NAV2: variants seen among roughly 807,000 people sequenced by gnomAD.
The protein encoded by NAV2 is helicase, APC down-regulated 1.
A neutral mutation model predicts 223.2 loss-of-function variants in NAV2; 54 were observed. That is an observed-to-expected ratio of 0.24 (90% CI 0.19 to 0.30). The LOEUF (loss-of-function observed/expected upper bound fraction) is 0.30. Among genes scored for constraint, NAV2 ranks in the 10% least tolerant of loss-of-function variants. NAV2 has a pLI of 1.00. For missense variants in NAV2, 2,806 were observed against 3,147.5 expected (o/e 0.89, Z 2.60); for synonymous variants, 1,279 against 1,239.3 (o/e 1.03, Z -0.67).
At chr11:19,900,963 C>T (rs2042396578) in intron 6 of NAV2, among the ~76,000 whole-genome samples, 1 of 152,182 alleles carries the variant, frequency 6.6e-6, no homozygotes, top group African/African-American at 2.4e-5. Context: ...CAACAGGCTT[C>T]TATAGCCCTA....
intron 12 of NAV2, among the ~76,000 whole-genome samples, chr11:20,039,987 A>G (rs1472582703): frequency 6.6e-6 from 1 of 152,104 alleles, no homozygotes; most frequent in Non-Finnish European, 1.5e-5. Context: ...TGGGTAAGTT[A>G]CTTTTCCTCT....
intron 10 of NAV2, among the ~76,000 whole-genome samples, chr11:19,960,322 T>A (rs1023503253): frequency 9.2e-5 from 14 of 152,154 alleles, no homozygotes; most frequent in Non-Finnish European, 2.1e-4. Flanking sequence ...GGGGCTGATA[T>A]GTGTGGCATC....
intron 1 of NAV2, among the ~76,000 whole-genome samples, chr11:19,756,731 A>G (rs1054888475): frequency 2.0e-5 from 3 of 152,214 alleles, no homozygotes; most frequent in African/African-American, 7.2e-5. Flanking sequence ...TTAAAGCCTG[A>G]TGCATTAGTC....
chr11:19,462,312 G>A (rs187057049), intron 1 of NAV2, among the ~76,000 whole-genome samples: 121 of 152,230 alleles, frequency 7.9e-4, no homozygotes, highest in Middle Eastern at 3.4e-3. Flanking sequence ...CTTCCAGGAG[G>A]TACAACTACT....
intron 3 of NAV2, among the ~76,000 whole-genome samples, chr11:19,852,815 G>A (rs2061221689): frequency 6.6e-6 from 1 of 152,158 alleles, no homozygotes; most frequent in African/African-American, 2.4e-5. Context: ...TCTCAGATGA[G>A]AAAGCTAAAC....
rs76547013 is a variant in NAV2 at position 20,032,305 on chromosome 11, C to T, written c.2769-3654C>T. ...TCCCCTCTTCTGGGTGGCTCAGTTA[C>T]AAAGGCTTCCTGTCAACTCAGGGTA... On this transcript the variant is annotated intron_variant, in intron 11 of 37. Transcript: ENST00000349880. 7.8e-3 allele frequency among the ~76,000 whole-genome samples: 1,185 copies of T among 152,336 alleles called. 13 individuals are homozygous for T. The highest frequency in any genetic ancestry group is 0.027 in the African/African-American group (1,132 of 41,566).
At chr11:19,864,742 T>C (rs543022325) in intron 3 of NAV2, among the ~76,000 whole-genome samples, 5 of 152,182 alleles carry the variant, frequency 3.3e-5, no homozygotes, top group African/African-American at 4.8e-5. Context: ...AATTGCAGCC[T>C]CTCTCATGGA....
At chr11:19,673,578 A>G (rs2048628139) in intron 1 of NAV2, among the ~76,000 whole-genome samples, 1 of 152,224 alleles carries the variant, frequency 6.6e-6, no homozygotes, top group Non-Finnish European at 1.5e-5. Flanking sequence ...TCTCAAATTG[A>G]GGTGTTAATT....
At chr11:19,385,127 A>AAGATACC (rs1848986091) in intron 1 of NAV2, 1 of 152,226 alleles carries the variant, frequency 6.6e-6, no homozygotes, top group Admixed American at 6.5e-5. Flanking sequence ...AAACCACTGT[A>AAGATACC]AGATACCATT....
chr11:20,063,215 T>C (rs1048751653), intron 20 of NAV2, among the ~76,000 whole-genome samples: 2 of 152,170 alleles, frequency 1.3e-5, no homozygotes, highest in Non-Finnish European at 2.9e-5. Context: ...TCTAAAACAA[T>C]GAATATAGTA....
At chr11:19,485,234 T>C (rs941838952) in intron 1 of NAV2, among the ~76,000 whole-genome samples, 4 of 152,180 alleles carry the variant, frequency 2.6e-5, no homozygotes, top group African/African-American at 9.7e-5. Context: ...TGTCTCCTTA[T>C]TCACAAAGTG....
chr11:20,033,930 G>A (rs991642576), intron 11 of NAV2, among the ~76,000 whole-genome samples: 3 of 152,212 alleles, frequency 2.0e-5, no homozygotes, highest in Non-Finnish European at 2.9e-5. Flanking sequence ...GTGGAAGACT[G>A]AGTGGTAGAA....
intron 11 of NAV2, among the ~76,000 whole-genome samples, chr11:20,012,674 C>CAA (rs869102100): frequency 7.8e-6 from 1 of 128,236 alleles, no homozygotes; most frequent in African/African-American, 3.0e-5. Context: ...GACTCCATCT[C>CAA]AAAAAAAAAA....
chr11:19,964,418 C>A (rs548753278), intron 10 of NAV2, among the ~76,000 whole-genome samples: 7 of 151,886 alleles, frequency 4.6e-5, no homozygotes, highest in African/African-American at 7.3e-5. Context: ...AATATTAACA[C>A]GACTAGCTAC....
chr11:19,479,621 A>C, intron 1 of NAV2, among the ~76,000 whole-genome samples: 1 of 152,176 alleles, frequency 6.6e-6, no homozygotes, highest in Non-Finnish European at 1.5e-5. Flanking sequence ...CCTCTATGTT[A>C]GTTGGCCTGT....
At position 19,973,381 on chromosome 11, in the gene NAV2, G is replaced by A. The variant is rs150478257; in HGVS notation, c.2646-10744G>A. On this transcript the variant is annotated intron_variant, in intron 10 of 37. Coordinates refer to ENST00000349880, the MANE Select transcript of NAV2 (RefSeq NM_145117.5). ...CTCAGAGCACTCTGAGGCTTGGGGA[G>A]CCGTAGCAGAAATCGCAGGAATGAT... Among the ~76,000 whole-genome samples the A allele has an allele frequency of 1.5e-3, 225 of 152,344 alleles. 1 individual carries two copies. Among genetic ancestry groups the A allele is most frequent in the African/African-American group, 5.0e-3 (206 of 41,576 alleles).
At chr11:19,869,520 CAT>C (rs1304522674) in intron 4 of NAV2, among the ~76,000 whole-genome samples, 4 of 152,194 alleles carry the variant, frequency 2.6e-5, no homozygotes, top group Non-Finnish European at 5.9e-5. Context: ...CTAATTAGCA[CAT>C]GAGTGTTCAC....
At chr11:20,007,209 A>G (rs1164716065) in intron 11 of NAV2, among the ~76,000 whole-genome samples, 1 of 151,894 alleles carries the variant, frequency 6.6e-6, no homozygotes, top group African/African-American at 2.4e-5. Flanking sequence ...TGGCCCCTCA[A>G]AAGTGTTAGG....
At chr11:20,050,007 T>G in intron 16 of NAV2, 106 bp downstream of exon 16, 1 of 993,318 alleles carries the variant, frequency 1.0e-6, no homozygotes, top group South Asian at 1.3e-5. Context: ...GCCACCTGCT[T>G]GTGTTTGTGG....
Sources: allele counts gnomAD v4.1 joint callset (sites outside exome capture counted in the v4.1 genomes callset), GRCh38; gene constraint gnomAD v4.1.1; transcripts MANE v1.5; gene names NCBI Gene and HGNC (gene_info 2026-07-23, HGNC 2026-07-21).